The following RPSA variants were observed in gnomAD, a reference collection of about 807,000 sequenced individuals.
The protein encoded by RPSA is small ribosomal subunit protein uS2.
For synonymous variants in RPSA, 103 were observed against 126.7 expected, an observed-to-expected ratio of 0.81 and a Z score of 1.25; for missense variants, 140 against 372.8, an observed-to-expected ratio of 0.38 and a Z score of 5.14.
At chr3:39,409,836 T>TAAAAAA (rs56170792) in intron 3 of RPSA, among the ~76,000 whole-genome samples, 44 of 151,708 alleles carry the variant, frequency 2.9e-4, no homozygotes, top group Admixed American at 1.8e-3. Context: ...TCCTGTTTCT[T>TAAAAAA]AAAAAAGCCA....
chr3:39,412,338 A>T lies in RPSA; in HGVS notation c.858A>T (p.Glu286Asp). 3 of 1,583,638 alleles carry T rather than the reference A, an allele frequency of 1.9e-6. No homozygotes were observed. Among genetic ancestry groups the T allele is most frequent in the Non-Finnish European group, 2.6e-6 (3 of 1,154,404 alleles). ...CAGCTCCCACTGCTCAGGCCACTGA[A>T]TGGGTAGGAGCAACCACTGACTGGT... ...WSAAPTAQAT[E>D]WVGATTDWS Residue 286 changes from glutamate (E) to aspartate (D), a missense_variant, in exon 7 of 7, where the codon GAA becomes GAT. Glu to Asp is a conservative substitution (Grantham distance 45, BLOSUM62 2). Transcript: ENST00000301821.
chr3:39,408,032 T>C (rs959054869), intron 2 of RPSA: 2 of 474,624 alleles, frequency 4.2e-6, no homozygotes, highest in African/African-American at 3.9e-5. Flanking sequence ...AGAAAGTTCA[T>C]TGGCTGAGTT....
In RPSA at chr3:39,409,184, C is replaced by CTTTTTTTTTTT. The variant is rs71091746; in HGVS notation, c.252+473_252+483dup. 2.6e-3 allele frequency among the ~76,000 whole-genome samples: 220 copies of CTTTTTTTTTTT among 85,402 alleles called. 31 individuals carry two copies. Among genetic ancestry groups the CTTTTTTTTTTT allele is most frequent in the Non-Finnish European group, 3.7e-3 (177 of 47,204 alleles). The allele number at this position is 85,402 out of a possible 152,430, so 56.0% of individuals were successfully genotyped here. A position where few individuals can be genotyped will look rare whatever the true frequency, so the allele number is the denominator to read the frequency against. On this transcript the variant is annotated intron_variant, in intron 3 of 6. Transcript: ENST00000301821. ...ATCGCCCTTATGACCTATGACCTTC[C>CTTTTTTTTTTT]TTTTTTTTTTTTTTTTTTTTTTTCC...
At chr3:39,409,001 C>T (rs1187741056) in intron 3 of RPSA, 5 of 347,104 alleles carry the variant, frequency 1.4e-5, no homozygotes, top group African/African-American at 4.2e-5. Context: ...TGGAGAATGG[C>T]GTGAACCCGG....
chr3:39,407,892 G>A, intron 2 of RPSA, 106 bp downstream of exon 2: 2 of 807,386 alleles, frequency 2.5e-6, no homozygotes, highest in African/African-American at 1.7e-5. Context: ...TTCCTTAAAT[G>A]AAGCCAGACC....
At chr3:39,410,550 A>T in intron 3 of RPSA, 3 of 609,312 alleles carry the variant, frequency 4.9e-6, no homozygotes, top group Non-Finnish European at 5.8e-6. Flanking sequence ...GGTGCTCGGG[A>T]TATATAGTAG....
chr3:39,411,237 A>T, intron 4 of RPSA: 1 of 729,192 alleles, frequency 1.4e-6, no homozygotes, highest in South Asian at 1.4e-5. Context: ...CTTTGTGGAG[A>T]AATGAAAACA....
chr3:39,410,033 A>G (rs7619131), intron 3 of RPSA, among the ~76,000 whole-genome samples: 40,504 of 151,838 alleles, frequency 0.27, 5,920 homozygotes, highest in Non-Finnish European at 0.32. Flanking sequence ...CTAAGGTGGG[A>G]AGATTGCTAG....
At chr3:39,408,308 G>C in intron 2 of RPSA, 1 of 546,422 alleles carries the variant, frequency 1.8e-6, no homozygotes, top group Non-Finnish European at 3.4e-6. Flanking sequence ...CAGAAAGCCA[G>C]GAAGTGGATT....
intron 6 of RPSA, 24 bp from the exon 7 acceptor site, chr3:39,412,250 C>CT (rs753162510): frequency 7.6e-6 from 12 of 1,579,084 alleles, no homozygotes; most frequent in East Asian, 2.2e-5. Context: ...GAGCTGATGG[C>CT]TTTTTTTGGT....
chr3:39,411,116 G>C, intron 4 of RPSA, 117 bp downstream of exon 4: 1 of 1,332,648 alleles, frequency 7.5e-7, no homozygotes, highest in Non-Finnish European at 1.1e-6. Flanking sequence ...GCAAGTGTAG[G>C]TAGTGTGCTA....
intron 2 of RPSA, 41 bp from the exon 3 acceptor site, chr3:39,408,565 C>A: frequency 9.1e-7 from 1 of 1,094,280 alleles, no homozygotes; most frequent in Non-Finnish European, 1.4e-6. Flanking sequence ...AATGTTTGCA[C>A]AGCCAGGTCA....
At chr3:39,409,429 G>GA (rs2041973052) in intron 3 of RPSA, among the ~76,000 whole-genome samples, 1 of 152,090 alleles carries the variant, frequency 6.6e-6, no homozygotes, top group Non-Finnish European at 1.5e-5. Flanking sequence ...TTAAACGCCT[G>GA]ATCTCAAGTG....
intron 1 of RPSA, chr3:39,407,112 C>T (rs1225230494): frequency 2.4e-6 from 1 of 413,262 alleles, no homozygotes; most frequent in African/African-American, 2.1e-5. Flanking sequence ...CTGATTTACA[C>T]CAGCTACTTG....
At chr3:39,410,731 A>G (rs1243650138) in intron 3 of RPSA, 23 bp from the exon 4 acceptor site, 13 of 1,613,746 alleles carry the variant, frequency 8.1e-6, no homozygotes, top group East Asian at 2.2e-5. Flanking sequence ...ATCGAGTACC[A>G]CTAACTTTTA....
chr3:39,410,654 G>A lies in RPSA; in HGVS notation c.253-100G>A, dbSNP rs2041992778. On this transcript the variant is annotated intron_variant, in intron 3 of 6. Coordinates refer to ENST00000301821, the MANE Select transcript of RPSA (RefSeq NM_002295.6). ...TGGGTATGTGCCTGCTTTACATGGA[G>A]TAGTAGTGATTAAGTTGGCCAGTGC... The A allele has an allele frequency of 2.5e-5, 32 of 1,303,200 alleles. No homozygotes were observed. The Admixed American group carries it at 5.2e-4, about 21-fold the overall frequency. 80.7% of individuals were successfully genotyped at this position (1,303,200 alleles called of 1,614,324 possible). A position where few individuals can be genotyped will look rare whatever the true frequency, so the allele number is the denominator to read the frequency against.
chr3:39,409,509 C>G lies in RPSA; in HGVS notation c.252+785C>G, dbSNP rs539752329. ...AGCCACTGCGCCCAGCCTGTAAGAC[C>G]TTTTCAACATACATGCTGGGCATCT... On this transcript the variant is annotated intron_variant, in intron 3 of 6. Coordinates refer to ENST00000301821, the MANE Select transcript of RPSA (RefSeq NM_002295.6). Among the ~76,000 whole-genome samples, 3 of 152,274 alleles carry G rather than the reference C, an allele frequency of 2.0e-5. No individual in the cohort carries two copies. In the East Asian group the frequency reaches 5.8e-4, roughly 29 times the overall value.
chr3:39,411,654 T>C lies in RPSA; in HGVS notation c.504T>C (p.Ala168=), dbSNP rs748267008. The C allele has an allele frequency of 6.2e-7, 1 of 1,609,516 alleles. No individual in the cohort carries two copies. Among genetic ancestry groups the C allele is most frequent in the Non-Finnish European group, 8.5e-7 (1 of 1,180,016 alleles). The part of the protein sequence containing the change: ...DIAIPCNNKG[A]HSVGLMWWML... ...TAATCTGCCACTCTTGGCAGGGAGCTCACTCAGTGGGTTTGATGTGGTGGA... is the reference window on the plus strand; with the variant it reads ...TAATCTGCCACTCTTGGCAGGGAGCCCACTCAGTGGGTTTGATGTGGTGGA... Residue 168 remains alanine, a synonymous_variant, in exon 5 of 7, where the codon GCT becomes GCC. Coordinates refer to ENST00000301821, the MANE Select transcript of RPSA (RefSeq NM_002295.6).
In RPSA at chr3:39,411,912, A is replaced by C. The variant is rs2042011525; in HGVS notation, c.644A>C (p.Gln215Pro). 6.3e-7 allele frequency: 1 copy of C among 1,599,576 alleles called. No homozygotes were observed. The highest frequency in any genetic ancestry group is 1.7e-5 in the Admixed American group (1 of 59,992). ...RDPEEIEKEE[Q>P]AAAEKAVTKE... The stretch of plus-strand genomic sequence containing the variant: ...GTAACCCAGATTGAAAAAGAAGAGC[A>C]GGCTGCTGCTGAGAAGGCAGTGACC... The change falls in exon 6 of 7, where the codon CAG (glutamine) becomes CCG (proline). Residue 215 changes from glutamine (Q) to proline (P), a missense_variant. Physicochemically the swap from Gln to Pro is moderately conservative, Grantham distance 76. Transcript: ENST00000301821.
Sources: gnomAD v4.1 joint callset for allele counts (sites outside exome capture counted in the v4.1 genomes callset) on GRCh38, gnomAD v4.1.1 for gene constraint, MANE v1.5 for transcripts, NCBI Gene and HGNC (gene_info 2026-07-23, HGNC 2026-07-21) for gene names.